CTNND2: variants seen among roughly 807,000 people sequenced by gnomAD.
CTNND2 encodes the protein catenin delta-2.
A neutral mutation model predicts 144.4 loss-of-function variants in CTNND2; 22 were observed. That is an observed-to-expected ratio of 0.15 (90% confidence interval 0.11 to 0.22). The LOEUF (loss-of-function observed/expected upper bound fraction) is 0.22, where lower values mean the gene tolerates loss of function less well. Ranked by LOEUF, CTNND2 falls within the 10% of genes least tolerant of loss-of-function variation. The pLI is 1.00. For missense variants in CTNND2, 1,353 were observed against 1,618.8 expected (o/e 0.84, Z 2.82); for synonymous variants, 751 against 695.6 (o/e 1.08, Z -1.25).
At chr5:11,515,393 G>A (rs1772074946) in intron 3 of CTNND2, among the ~76,000 whole-genome samples, 1 of 152,184 alleles carries the variant, frequency 6.6e-6, no homozygotes, top group South Asian at 2.1e-4. Context: ...AATCTTAGAT[G>A]GAGATTCCGT....
At chr5:10,996,006 G>A (rs1409797973) in intron 18 of CTNND2, among the ~76,000 whole-genome samples, 1 of 152,344 alleles carries the variant, frequency 6.6e-6, no homozygotes, top group South Asian at 2.1e-4. Flanking sequence ...AGGGGACGGG[G>A]ATGTGGAGTG....
intron 13 of CTNND2, among the ~76,000 whole-genome samples, chr5:11,116,773 C>T (rs1202498246): frequency 6.6e-6 from 1 of 152,022 alleles, no homozygotes; most frequent in Non-Finnish European, 1.5e-5. Flanking sequence ...ATTCAAATCG[C>T]AAATCTGGGT....
chr5:11,224,987 A>C (rs1185633116), intron 10 of CTNND2, among the ~76,000 whole-genome samples: 1 of 151,992 alleles, frequency 6.6e-6, no homozygotes. Flanking sequence ...CCTGCTGTGA[A>C]GTGTGATATA....
intron 2 of CTNND2, among the ~76,000 whole-genome samples, chr5:11,646,687 T>C (rs569463271): frequency 6.6e-6 from 1 of 152,348 alleles, no homozygotes; most frequent in African/African-American, 2.4e-5. Flanking sequence ...GTTCAATTTG[T>C]CTTTTTGTTC....
chr5:11,750,845 AT>A (rs1234095311), intron 1 of CTNND2, among the ~76,000 whole-genome samples: 1 of 151,872 alleles, frequency 6.6e-6, no homozygotes, highest in African/African-American at 2.4e-5. Context: ...TATATTTTAA[AT>A]TATCTTATAC....
intron 3 of CTNND2, among the ~76,000 whole-genome samples, chr5:11,545,556 G>A (rs1775158753): frequency 6.6e-6 from 1 of 150,464 alleles, no homozygotes; most frequent in Non-Finnish European, 1.5e-5. Context: ...CAGGTCCTCG[G>A]GAGACTGAAG....
At chr5:11,023,377 C>A (rs962553800) in intron 16 of CTNND2, among the ~76,000 whole-genome samples, 4 of 152,208 alleles carry the variant, frequency 2.6e-5, no homozygotes, top group Non-Finnish European at 5.9e-5. Context: ...TTATTATGTT[C>A]TTGCTTGATG....
At chr5:11,851,148 C>A (rs1407841876) in intron 1 of CTNND2, among the ~76,000 whole-genome samples, 8 of 152,156 alleles carry the variant, frequency 5.3e-5, no homozygotes. Flanking sequence ...TGCAGCATCA[C>A]CCCTCCTTGA....
At chr5:11,359,249 A>G (rs1466299049) in intron 8 of CTNND2, among the ~76,000 whole-genome samples, 2 of 152,222 alleles carry the variant, frequency 1.3e-5, no homozygotes, top group Admixed American at 6.5e-5. Context: ...ATCTAAATAG[A>G]CACCTTAGTT....
At chr5:11,047,701 G>T (rs535271559) in intron 16 of CTNND2, among the ~76,000 whole-genome samples, 1 of 152,246 alleles carries the variant, frequency 6.6e-6, no homozygotes, top group East Asian at 1.9e-4. Context: ...GTAGGCTGGG[G>T]GCACAAGACT....
intron 3 of CTNND2, among the ~76,000 whole-genome samples, chr5:11,470,912 A>C (rs550471984): frequency 6.9e-6 from 1 of 144,594 alleles, no homozygotes; most frequent in Admixed American, 7.0e-5. Context: ...CAAGATGTCT[A>C]AGTATCTAAG....
At chr5:11,208,099 T>C (rs1738238375) in intron 10 of CTNND2, among the ~76,000 whole-genome samples, 1 of 152,172 alleles carries the variant, frequency 6.6e-6, no homozygotes, top group African/African-American at 2.4e-5. Flanking sequence ...AGAAAATTAT[T>C]CCATTCAGAA....
At chr5:11,170,341 A>G (rs1392013916) in intron 11 of CTNND2, among the ~76,000 whole-genome samples, 1 of 152,232 alleles carries the variant, frequency 6.6e-6, no homozygotes, top group Non-Finnish European at 1.5e-5. Context: ...AGAAATTTAA[A>G]GAAGGCATTT....
intron 4 of CTNND2, 68 bp from the exon 5 acceptor site, chr5:11,411,720 A>C: frequency 1.0e-6 from 1 of 985,376 alleles, no homozygotes; most frequent in Non-Finnish European, 1.6e-6. Flanking sequence ...TTAGGTTATC[A>C]TTTAATCATG....
chr5:11,482,261 G>A (rs1581298375), intron 3 of CTNND2, among the ~76,000 whole-genome samples: 1 of 152,110 alleles, frequency 6.6e-6, no homozygotes, highest in African/African-American at 2.4e-5. Flanking sequence ...TTACATCCCT[G>A]ATAAATGATG....
At chr5:11,873,973 G>C (rs1482989255) in intron 1 of CTNND2, among the ~76,000 whole-genome samples, 1 of 152,202 alleles carries the variant, frequency 6.6e-6, no homozygotes, top group African/African-American at 2.4e-5. Context: ...GCAGGGGAAT[G>C]GCAGTGATGG....
chr5:11,314,764 C>T (rs561257095), intron 9 of CTNND2, among the ~76,000 whole-genome samples: 1 of 152,272 alleles, frequency 6.6e-6, no homozygotes, highest in African/African-American at 2.4e-5. Context: ...GAGCAATGAG[C>T]TCTGACTCCT....
chr5:11,344,145 C>T (rs1754526745), intron 9 of CTNND2, among the ~76,000 whole-genome samples: 1 of 152,210 alleles, frequency 6.6e-6, no homozygotes, highest in South Asian at 2.1e-4. Flanking sequence ...TGGCTCACGC[C>T]TGTAATCCCA....
intron 2 of CTNND2, among the ~76,000 whole-genome samples, chr5:11,655,848 G>C (rs576848517): frequency 5.9e-5 from 9 of 152,056 alleles, no homozygotes; most frequent in African/African-American, 2.2e-4. Flanking sequence ...CTGCTAATGT[G>C]GCTCCAGGTT....
Sources: gnomAD v4.1 joint callset for allele counts (sites outside exome capture counted in the v4.1 genomes callset) on GRCh38, gnomAD v4.1.1 for gene constraint, MANE v1.5 for transcripts, NCBI Gene and HGNC (gene_info 2026-07-23, HGNC 2026-07-21) for gene names.